PDE7B: variants seen among roughly 807,000 people sequenced by gnomAD.
The protein encoded by PDE7B is phosphodiesterase 7B.
PDE7B carries 29 observed loss-of-function variants against 56.2 expected under a neutral mutation model. The observed-to-expected ratio is 0.52, with a 90% CI of 0.38 to 0.70. PDE7B has a LOEUF of 0.70. Ranked by LOEUF, PDE7B falls within the 30% of genes least tolerant of loss-of-function variation. PDE7B has a pLI of 0.00. For missense variants in PDE7B, 490 were observed against 565.0 expected (o/e 0.87, Z 1.35); for synonymous variants, 197 against 196.9 (o/e 1.00, Z 0.00).
At chr6:136,095,636 A>T (rs1777458905) in intron 2 of PDE7B, 1 of 152,236 alleles carries the variant, frequency 6.6e-6, no homozygotes, top group East Asian at 1.9e-4. Flanking sequence ...TTAACAATAG[A>T]TCATGGCTGT....
At chr6:135,868,368 A>C (rs1456097199) in intron 1 of PDE7B, among the ~76,000 whole-genome samples, 1 of 151,326 alleles carries the variant, frequency 6.6e-6, no homozygotes. Context: ...TATCACCATC[A>C]CCCCCACTCC....
intron 1 of PDE7B, among the ~76,000 whole-genome samples, chr6:135,864,721 C>G (rs1481504171): frequency 6.6e-6 from 1 of 152,038 alleles, no homozygotes; most frequent in Non-Finnish European, 1.5e-5. Flanking sequence ...TATTGTTTAA[C>G]AATTTTGGAA....
intron 1 of PDE7B, among the ~76,000 whole-genome samples, chr6:135,908,454 A>G (rs937134244): frequency 5.3e-5 from 8 of 152,090 alleles, no homozygotes; most frequent in Non-Finnish European, 7.4e-5. Context: ...GTCATCACCT[A>G]TTTTACAATT....
chr6:135,887,656 A>G lies in PDE7B; in HGVS notation c.21+35637A>G, dbSNP rs148244428. On this transcript the variant is annotated intron_variant, in intron 1 of 12. Transcript: ENST00000308191. ...GTTACCCAGTATTTACAGAGAATAT[A>G]TTAATTAGGGGCTTTATTTTATTGA... is the stretch of plus-strand genomic sequence containing the variant. Among the ~76,000 whole-genome samples, 441 of 152,266 alleles carry G rather than the reference A, an allele frequency of 2.9e-3. 5 individuals are homozygous for G. Among genetic ancestry groups the G allele is most frequent in the Admixed American group, 0.026 (395 of 15,276 alleles).
At chr6:136,001,571 G>A (rs1255247950) in intron 2 of PDE7B, among the ~76,000 whole-genome samples, 9 of 152,168 alleles carry the variant, frequency 5.9e-5, no homozygotes, top group South Asian at 2.1e-4. Context: ...CTCAGGAGCC[G>A]ATGCGATCAA....
intron 2 of PDE7B, among the ~76,000 whole-genome samples, chr6:135,968,734 C>T (rs906054692): frequency 6.6e-6 from 1 of 152,134 alleles, no homozygotes; most frequent in Non-Finnish European, 1.5e-5. Context: ...GTGGTGATTC[C>T]TCAAAGACCT....
At chr6:135,877,089 G>A (rs1775510588) in intron 1 of PDE7B, among the ~76,000 whole-genome samples, 2 of 150,080 alleles carry the variant, frequency 1.3e-5, no homozygotes, top group South Asian at 2.1e-4. Flanking sequence ...AAAATCTACC[G>A]AATTCTATTT....
chr6:136,059,724 A>G (rs1776804488), intron 2 of PDE7B, among the ~76,000 whole-genome samples: 2 of 152,302 alleles, frequency 1.3e-5, no homozygotes, highest in East Asian at 3.9e-4. Context: ...CATGCTGCTC[A>G]GTTTTCATGA....
intron 2 of PDE7B, among the ~76,000 whole-genome samples, chr6:135,975,442 G>C (rs1775168398): frequency 6.6e-6 from 1 of 152,106 alleles, no homozygotes; most frequent in Non-Finnish European, 1.5e-5. Flanking sequence ...TGAGGAAAGT[G>C]AGGAGCAGGT....
At chr6:136,009,327 TG>T (rs1329659824) in intron 2 of PDE7B, among the ~76,000 whole-genome samples, 2 of 152,166 alleles carry the variant, frequency 1.3e-5, no homozygotes, top group African/African-American at 2.4e-5. Flanking sequence ...GGCTCTTTTT[TG>T]GTTCCATATG....
intron 2 of PDE7B, chr6:136,044,505 CCAG>C (rs1776468290): frequency 6.6e-6 from 1 of 152,004 alleles, no homozygotes; most frequent in South Asian, 2.1e-4. Context: ...TAAACATATT[CCAG>C]CAGAAGATCA....
chr6:135,901,605 A>G (rs939621343), intron 1 of PDE7B, among the ~76,000 whole-genome samples: 1 of 152,126 alleles, frequency 6.6e-6, no homozygotes, highest in Non-Finnish European at 1.5e-5. Context: ...TTGAGCTGAG[A>G]AAGCTCTAGG....
chr6:135,955,301 A>C (rs1774772196), intron 2 of PDE7B, among the ~76,000 whole-genome samples: 1 of 151,942 alleles, frequency 6.6e-6, no homozygotes, highest in Non-Finnish European at 1.5e-5. Flanking sequence ...GGAAGGGTGG[A>C]GTGGCATCAG....
At chr6:135,968,143 T>G (rs931511465) in intron 2 of PDE7B, among the ~76,000 whole-genome samples, 1 of 152,102 alleles carries the variant, frequency 6.6e-6, no homozygotes, top group Admixed American at 6.5e-5. Context: ...TTATACCTTA[T>G]GCAAAAATTA....
chr6:135,896,127 G>GC (rs1295538099), intron 1 of PDE7B, among the ~76,000 whole-genome samples: 1 of 152,166 alleles, frequency 6.6e-6, no homozygotes, highest in Non-Finnish European at 1.5e-5. Context: ...GAGAGGTTGA[G>GC]CCTAGAACAT....
At chr6:135,879,344 C>A (rs1775562145) in intron 1 of PDE7B, among the ~76,000 whole-genome samples, 1 of 152,006 alleles carries the variant, frequency 6.6e-6, no homozygotes, top group Non-Finnish European at 1.5e-5. Flanking sequence ...ACTTGTGTAT[C>A]TTTTTTAAAA....
intron 3 of PDE7B, among the ~76,000 whole-genome samples, chr6:136,111,405 C>T (rs1275772258): frequency 2.0e-5 from 3 of 152,160 alleles, no homozygotes; most frequent in African/African-American, 7.2e-5. Flanking sequence ...ATGAAGGCCT[C>T]TAAGATTTTC....
chr6:136,178,566 C>T (rs773516013), intron 9 of PDE7B, among the ~76,000 whole-genome samples: 3 of 152,002 alleles, frequency 2.0e-5, no homozygotes, highest in Non-Finnish European at 2.9e-5. Context: ...CCCATGGTAC[C>T]CTTTACTATT....
In PDE7B at chr6:136,108,683, G is replaced by T. The variant is rs531358579; in HGVS notation, c.83-48G>T. On this transcript the variant is annotated intron_variant, in intron 2 of 12. Coordinates refer to ENST00000308191, the MANE Select transcript of PDE7B (RefSeq NM_018945.4). ...GAGGATTTACAGGGGAAAAGTGAATGCACGTGGCAATGTTTTCAAGCCTTT... is the reference window on the plus strand; with the variant it reads ...GAGGATTTACAGGGGAAAAGTGAATTCACGTGGCAATGTTTTCAAGCCTTT... 3 of 1,183,128 alleles carry T rather than the reference G, an allele frequency of 2.5e-6. No homozygotes were observed. The South Asian group carries it at 3.6e-5, about 14-fold the overall frequency. The allele number at this position is 1,183,128 out of a possible 1,614,324, so 73.3% of individuals were successfully genotyped here. A position where few individuals can be genotyped will look rare whatever the true frequency, so the allele number is the denominator to read the frequency against.
Sources: gnomAD v4.1 joint callset for allele counts (sites outside exome capture counted in the v4.1 genomes callset) on GRCh38, gnomAD v4.1.1 for gene constraint, MANE v1.5 for transcripts, NCBI Gene and HGNC (gene_info 2026-07-23, HGNC 2026-07-21) for gene names.